EML4: variants seen among roughly 807,000 people sequenced by gnomAD.
EML4 encodes the protein EMAP like 4, also known as echinoderm microtubule-associated protein-like 4.
In EML4, 72 loss-of-function variants were observed where a neutral mutation model predicts 129.0. The observed-to-expected ratio is 0.56, with a 90% confidence interval of 0.46 to 0.68. The LOEUF (loss-of-function observed/expected upper bound fraction) is 0.68. Among genes scored for constraint, EML4 ranks in the 30% least tolerant of loss-of-function variants. EML4 has a pLI of 0.00. For synonymous variants in EML4, 532 were observed against 405.0 expected, an observed-to-expected ratio of 1.31 and a Z score of -3.77; for missense variants, 1,363 against 1,190.6, an observed-to-expected ratio of 1.14 and a Z score of -2.13.
intron 2 of EML4, among the ~76,000 whole-genome samples, chr2:42,255,364 C>A (rs1361850153): frequency 1.3e-5 from 2 of 152,090 alleles, no homozygotes; most frequent in Non-Finnish European, 2.9e-5. Context: ...GGATTACAGG[C>A]TGAGCCACCG....
At chr2:42,221,594 T>G (rs531948108) in intron 1 of EML4, among the ~76,000 whole-genome samples, 11 of 151,406 alleles carry the variant, frequency 7.3e-5, no homozygotes, top group African/African-American at 1.9e-4. Context: ...GGTGTTTTTT[T>G]GGGTTTTGTT....
chr2:42,192,334 G>C (rs1050083933), intron 1 of EML4, among the ~76,000 whole-genome samples: 6 of 151,302 alleles, frequency 4.0e-5, no homozygotes, highest in African/African-American at 1.5e-4. Context: ...CTGCCTGCTG[G>C]CTTCAAGAGA....
chr2:42,274,302 C>G (rs1177095741), intron 6 of EML4, among the ~76,000 whole-genome samples: 1 of 152,170 alleles, frequency 6.6e-6, no homozygotes, highest in Admixed American at 6.5e-5. Context: ...AAAATGGAAA[C>G]TTTCAGGAGA....
At chr2:42,238,331 A>C (rs1299924717) in intron 1 of EML4, among the ~76,000 whole-genome samples, 1 of 152,222 alleles carries the variant, frequency 6.6e-6, no homozygotes, top group Non-Finnish European at 1.5e-5. Context: ...CAAAAAGCTT[A>C]GTTATTCAAT....
At chr2:42,211,019 A>G (rs891404721) in intron 1 of EML4, among the ~76,000 whole-genome samples, 2 of 152,224 alleles carry the variant, frequency 1.3e-5, no homozygotes, top group African/African-American at 2.4e-5. Flanking sequence ...CAGAAGGTCC[A>G]TGTAATCTTC....
chr2:42,322,406 A>G (rs1208225921), intron 19 of EML4, among the ~76,000 whole-genome samples: 4 of 152,238 alleles, frequency 2.6e-5, no homozygotes, highest in African/African-American at 9.6e-5. Flanking sequence ...ATAGCTCTAA[A>G]TGGACAAAAG....
intron 2 of EML4, among the ~76,000 whole-genome samples, chr2:42,249,900 C>G (rs896261927): frequency 2.0e-5 from 3 of 152,028 alleles, no homozygotes; most frequent in Non-Finnish European, 2.9e-5. Context: ...AATATATGCA[C>G]CAGTTGCAGC....
intron 2 of EML4, among the ~76,000 whole-genome samples, chr2:42,249,876 C>T (rs550102172): frequency 2.6e-5 from 4 of 152,080 alleles, no homozygotes; most frequent in Admixed American, 6.6e-5. Context: ...TTCCTTTTGA[C>T]GGCATGTGTT....
intron 1 of EML4, among the ~76,000 whole-genome samples, chr2:42,200,588 T>C (rs969943631): frequency 1.3e-5 from 2 of 152,216 alleles, no homozygotes; most frequent in African/African-American, 4.8e-5. Context: ...ACTCCCTTTC[T>C]CCAGTTGAAA....
At chr2:42,320,591 C>T (rs556515699) in intron 19 of EML4, among the ~76,000 whole-genome samples, 1 of 152,070 alleles carries the variant, frequency 6.6e-6, no homozygotes, top group Non-Finnish European at 1.5e-5. Context: ...TGGGTTGTAC[C>T]TACGGGTATT....
chr2:42,171,359 G>T (rs1383634011), intron 1 of EML4, among the ~76,000 whole-genome samples: 1 of 152,130 alleles, frequency 6.6e-6, no homozygotes, highest in Non-Finnish European at 1.5e-5. Context: ...AACTTCTTTC[G>T]TGTTGGCTCT....
At position 42,332,524 on chromosome 2, in the gene EML4, TAATC is replaced by T. The variant is rs1307797180; in HGVS notation, c.*2320_*2323del. On this transcript the variant is annotated 3_prime_UTR_variant, in exon 23 of 23. Coordinates refer to ENST00000318522, the MANE Select transcript of EML4 (RefSeq NM_019063.5). ...AAATTTTGAAGATTAAAAAATAAAA[TAATC>T]AAAATGTTTCCTCTTTCTAAGTGCG... 1 of 182,876 alleles carries T rather than the reference TAATC, an allele frequency of 5.5e-6. No individual in the cohort carries two copies. Among genetic ancestry groups the T allele is most frequent in the African/African-American group, 2.4e-5 (1 of 42,470 alleles). 11.3% of individuals were successfully genotyped at this position (182,876 alleles called of 1,614,324 possible).
At chr2:42,178,209 T>C (rs1407993349) in intron 1 of EML4, among the ~76,000 whole-genome samples, 2 of 152,178 alleles carry the variant, frequency 1.3e-5, no homozygotes, top group Non-Finnish European at 2.9e-5. Context: ...TTGGTAGGGC[T>C]AGGGTATGTT....
intron 10 of EML4, 24 bp from the exon 11 acceptor site, chr2:42,288,203 T>A (rs1667419552): frequency 9.8e-7 from 1 of 1,020,038 alleles, no homozygotes; most frequent in South Asian, 1.6e-5. Flanking sequence ...AATTTTAAAA[T>A]GCCTCTGATT....
At chr2:42,267,856 A>T (rs1336526093) in intron 6 of EML4, among the ~76,000 whole-genome samples, 1 of 152,202 alleles carries the variant, frequency 6.6e-6, no homozygotes, top group East Asian at 1.9e-4. Context: ...CAGCAGAGAT[A>T]AAGTCCTAGC....
intron 5 of EML4, among the ~76,000 whole-genome samples, chr2:42,264,106 T>TTTTG: frequency 3.3e-5 from 2 of 60,922 alleles, no homozygotes; most frequent in African/African-American, 2.9e-4. Context: ...AATACGTGTT[T>TTTTG]TTTTTTTTTT....
chr2:42,229,381 CCAGA>C (rs1175537200), intron 1 of EML4, among the ~76,000 whole-genome samples: 3 of 151,958 alleles, frequency 2.0e-5, no homozygotes, highest in South Asian at 4.2e-4. Flanking sequence ...TTTTTAAATC[CCAGA>C]CAGTCTAAAT....
chr2:42,176,496 C>A (rs543246181), intron 1 of EML4, among the ~76,000 whole-genome samples: 74 of 152,340 alleles, frequency 4.9e-4, no homozygotes, highest in Non-Finnish European at 5.6e-4. Flanking sequence ...TCTCTTTCTA[C>A]TGTCTTACCA....
chr2:42,311,266 G>A (rs968640280), intron 17 of EML4, among the ~76,000 whole-genome samples: 3 of 152,188 alleles, frequency 2.0e-5, no homozygotes, highest in African/African-American at 4.8e-5. Context: ...ATTAGTTAGG[G>A]CTTCTCCAAA....
Sources: allele counts gnomAD v4.1 joint callset (sites outside exome capture counted in the v4.1 genomes callset), GRCh38; gene constraint gnomAD v4.1.1; transcripts MANE v1.5; gene names NCBI Gene and HGNC (gene_info 2026-07-23, HGNC 2026-07-21).